The following KIFC3 variants were observed in gnomAD, a reference collection of about 807,000 sequenced individuals.
The protein encoded by KIFC3 is kinesin-like protein KIFC3.
A neutral mutation model predicts 101.8 loss-of-function variants in KIFC3; 60 were observed. The observed-to-expected ratio is 0.59, with a 90% confidence interval of 0.48 to 0.73. The LOEUF is 0.73. KIFC3 is among the 30% of genes least tolerant of loss of function. KIFC3 has a pLI of 0.00. For synonymous variants in KIFC3, 476 were observed against 482.7 expected (o/e 0.99, Z 0.18); for missense variants, 966 against 1,137.1 (o/e 0.85, Z 2.16).
In KIFC3 at chr16:57,760,821, A is replaced by G; in HGVS notation, c.2137T>C (p.Ser713Pro). 1.2e-6 allele frequency: 2 copies of G among 1,613,414 alleles called. No homozygotes were observed. The highest frequency in any genetic ancestry group is 1.7e-6 in the Non-Finnish European group (2 of 1,179,946). ...ALGDVIAALR[S>P]RQGHVPFRNS... ...CGGAAGGGCACGTGGCCCTGGCGGG[A>G]GCGCAGGGCAGCAATGACGTCCCCC... The change falls in exon 16 of 20, where the codon TCC (serine) becomes CCC (proline). Residue 713 changes from serine to proline, a missense_variant. This residue lies in a region of KIFC3 where 689 missense variants were observed against 884.6 expected (regional missense o/e 0.78). Transcript: ENST00000445690.
intron 3 of KIFC3, among the ~76,000 whole-genome samples, chr16:57,784,943 C>T (rs2053163773): frequency 6.6e-6 from 1 of 152,174 alleles, no homozygotes; most frequent in Admixed American, 6.5e-5. Flanking sequence ...CCCTGGCTCT[C>T]CCTGGCTTCC....
intron 1 of KIFC3, chr16:57,798,566 T>C (rs1555624323): frequency 1.9e-6 from 1 of 514,908 alleles, no homozygotes; most frequent in South Asian, 2.2e-5. Flanking sequence ...CAGCTGAGCC[T>C]GGAGCCTGAG....
chr16:57,821,898 G>A (rs1359307569), intron 1 of KIFC3, among the ~76,000 whole-genome samples: 1 of 152,036 alleles, frequency 6.6e-6, no homozygotes, highest in African/African-American at 2.4e-5. Context: ...ACATGACAGA[G>A]TGAGACCCGT....
intron 1 of KIFC3, among the ~76,000 whole-genome samples, chr16:57,799,278 A>G (rs2054572415): frequency 6.6e-6 from 1 of 152,244 alleles, no homozygotes; most frequent in Admixed American, 6.5e-5. Context: ...TCCCAGACTC[A>G]GACAGTAATG....
intron 1 of KIFC3, among the ~76,000 whole-genome samples, chr16:57,818,775 C>G (rs370895896): frequency 6.6e-6 from 1 of 152,316 alleles, no homozygotes; most frequent in African/African-American, 2.4e-5. Flanking sequence ...ATTTGCCCAG[C>G]GTGGTCAATG....
intron 1 of KIFC3, among the ~76,000 whole-genome samples, chr16:57,862,107 G>T (rs151091375): frequency 3.0e-4 from 46 of 152,022 alleles, no homozygotes; most frequent in African/African-American, 1.1e-3. Context: ...CTACTCCCTG[G>T]GAGCTTTTTG....
chr16:57,837,602 T>C (rs1447014279), intron 1 of KIFC3, among the ~76,000 whole-genome samples: 1 of 64,290 alleles, frequency 1.6e-5, no homozygotes, highest in Non-Finnish European at 3.6e-5. Context: ...AACATGAGAC[T>C]AGTTGCCATA....
At chr16:57,812,203 C>T (rs959243732) in intron 1 of KIFC3, among the ~76,000 whole-genome samples, 208 of 151,852 alleles carry the variant, frequency 1.4e-3, no homozygotes, top group African/African-American at 4.6e-3. Flanking sequence ...CCACCTCGCC[C>T]GGCTAATTTT....
At chr16:57,819,932 G>A (rs900649613) in intron 1 of KIFC3, among the ~76,000 whole-genome samples, 3 of 152,144 alleles carry the variant, frequency 2.0e-5, no homozygotes, top group East Asian at 3.9e-4. Context: ...GCAATGGCAC[G>A]ATCTCGGCTC....
At position 57,815,054 on chromosome 16, in the gene KIFC3, T is replaced by G. The variant is rs77482348; in HGVS notation, c.109-16772A>C. Among the ~76,000 whole-genome samples the G allele has an allele frequency of 6.3e-3, 956 of 152,306 alleles. 11 individuals are homozygous for G. Among genetic ancestry groups the G allele is most frequent in the South Asian group, 0.033 (158 of 4,830 alleles). On this transcript the variant is annotated intron_variant, in intron 1 of 2. Transcript: ENST00000563028. ...AATTTCAGAAACAGAGTTCTGCACATGCTCTAGGACACGCAGGCCTGGCCC... is the reference window on the plus strand; with the variant it reads ...AATTTCAGAAACAGAGTTCTGCACAGGCTCTAGGACACGCAGGCCTGGCCC...
chr16:57,854,629 G>GAAAAAAAAAAAAAAAAAAAAAAAAA (rs59106449), intron 1 of KIFC3, among the ~76,000 whole-genome samples: 1 of 131,226 alleles, frequency 7.6e-6, no homozygotes, highest in African/African-American at 3.0e-5. Context: ...CTCCGTCTCA[G>GAAAAAAAAAAAAAAAAAAAAAAAAA]AAAAAAAAAA....
At chr16:57,760,636 T>C in intron 16 of KIFC3, 90 bp downstream of exon 16, 5 of 1,224,680 alleles carry the variant, frequency 4.1e-6, no homozygotes, top group Non-Finnish European at 5.9e-6. Context: ...GGCGGGGAGG[T>C]CCATTTGCAC....
intron 1 of KIFC3, among the ~76,000 whole-genome samples, chr16:57,801,002 T>C (rs548844944): frequency 6.6e-6 from 1 of 152,252 alleles, no homozygotes; most frequent in African/African-American, 2.4e-5. Flanking sequence ...ATCTATAAAA[T>C]GGGGAGAACA....
At position 57,832,081 on chromosome 16, in the gene KIFC3, C is replaced by T. The variant is rs144280558; in HGVS notation, c.108+30648G>A. 3.6e-3 allele frequency among the ~76,000 whole-genome samples: 554 copies of T among 152,110 alleles called. 5 individuals are homozygous for T. Among genetic ancestry groups the T allele is most frequent in the Middle Eastern group, 0.017 (5 of 294 alleles). On this transcript the variant is annotated intron_variant, in intron 1 of 2. Coordinates refer to the KIFC3 transcript ENST00000563028. ...TGTCACCCAGCCTGGAGTACAGTGG[C>T]GCAATCTTGGCTCACTGCAACATCC...
intron 1 of KIFC3, among the ~76,000 whole-genome samples, chr16:57,821,846 G>A (rs1348615962): frequency 4.6e-5 from 7 of 152,148 alleles, no homozygotes; most frequent in Non-Finnish European, 1.5e-5. Context: ...CCAGGAGTAC[G>A]AGGTGGCAGT....
rs1388788173 is a variant in KIFC3, at chr16:57,788,653, A to G, written c.315+6346T>C. The G allele has an allele frequency of 3.1e-6, 4 of 1,289,426 alleles. No homozygotes were observed. The Admixed American group carries it at 9.2e-5, about 30-fold the overall frequency. 79.9% of individuals were successfully genotyped at this position (1,289,426 alleles called of 1,614,324 possible). On this transcript the variant is annotated intron_variant, in intron 3 of 19. Coordinates refer to ENST00000445690, the MANE Select transcript of KIFC3 (RefSeq NM_001130100.2). ...CTGGGGGCCGGCGCCTGTCTCTTCC[A>G]AAGCTTCTCTTCTTTCGTCCCCTGA... is the stretch of plus-strand genomic sequence containing the variant.
intron 1 of KIFC3, among the ~76,000 whole-genome samples, chr16:57,822,444 G>A (rs1396787374): frequency 1.3e-5 from 2 of 152,148 alleles, no homozygotes; most frequent in African/African-American, 4.8e-5. Flanking sequence ...GCTCACACCT[G>A]TAATCCTAAC....
intron 1 of KIFC3, among the ~76,000 whole-genome samples, chr16:57,810,982 G>A (rs1568075244): frequency 1.3e-5 from 2 of 152,202 alleles, no homozygotes; most frequent in Non-Finnish European, 2.9e-5. Context: ...CCCTCCCTGG[G>A]TAAAGGAGGA....
At chr16:57,775,117 C>T in intron 3 of KIFC3, 1 of 1,409,002 alleles carries the variant, frequency 7.1e-7, no homozygotes, top group Non-Finnish European at 9.2e-7. Context: ...CTGTTCTGTC[C>T]TTGCATCACA....
Sources: gnomAD v4.1 joint callset for allele counts (sites outside exome capture counted in the v4.1 genomes callset) on GRCh38, gnomAD v4.1.1 for gene constraint, gnomAD v4.1.1 regional missense constraint, MANE v1.5 for transcripts, NCBI Gene and HGNC (gene_info 2026-07-23, HGNC 2026-07-21) for gene names.